Variants in ANKRD33B observed in about 807,000 individuals in gnomAD.
ANKRD33B encodes ankyrin repeat domain 33B.
Under a neutral mutation model 21.5 loss-of-function variants are expected in ANKRD33B, and 6 were observed. That is an observed-to-expected ratio of 0.28 (90% CI 0.15 to 0.55). ANKRD33B has a LOEUF of 0.55. ANKRD33B is among the 20% of genes least tolerant of loss of function. ANKRD33B has a pLI of 0.94. For synonymous variants in ANKRD33B, 347 were observed against 342.4 expected, an observed-to-expected ratio of 1.01 and a Z score of -0.15; for missense variants, 698 against 747.2, an observed-to-expected ratio of 0.93 and a Z score of 0.77.
rs535630830 is a variant in ANKRD33B, at chr5:10,637,062, G to T, written c.497-966G>T. ...TGCCGACTGTGCCAAGGCTGGGACG[G>T]ACCCTGCTCCAGGACACTGAAGTGG... On this transcript the variant is annotated intron_variant, in intron 2 of 3. Coordinates refer to ENST00000296657, the MANE Select transcript of ANKRD33B (RefSeq NM_001164440.2). 2.6e-5 allele frequency among the ~76,000 whole-genome samples: 4 copies of T among 152,334 alleles called. No individual in the cohort carries two copies. In the South Asian group the frequency reaches 8.3e-4, roughly 32 times the overall value.
At chr5:10,622,487 A>T (rs1267779617) in intron 2 of ANKRD33B, among the ~76,000 whole-genome samples, 1 of 152,214 alleles carries the variant, frequency 6.6e-6, no homozygotes, top group Non-Finnish European at 1.5e-5. Context: ...ACGCGGTTAA[A>T]TTTTTTTAAC....
At chr5:10,590,997 G>A (rs1735672929) in intron 1 of ANKRD33B, among the ~76,000 whole-genome samples, 1 of 152,102 alleles carries the variant, frequency 6.6e-6, no homozygotes. Context: ...TCTGATTGAA[G>A]CCAGTTTCTC....
At chr5:10,631,142 C>T (rs1275902360) in intron 2 of ANKRD33B, among the ~76,000 whole-genome samples, 1 of 152,144 alleles carries the variant, frequency 6.6e-6, no homozygotes, top group African/African-American at 2.4e-5. Flanking sequence ...AAAGATCTGC[C>T]TTGGGGAAGA....
intron 1 of ANKRD33B, among the ~76,000 whole-genome samples, chr5:10,616,499 G>T (rs1332968177): frequency 6.7e-6 from 1 of 148,228 alleles, no homozygotes; most frequent in African/African-American, 2.6e-5. Flanking sequence ...AGGAGGTGGA[G>T]GTTGCAATGA....
intron 2 of ANKRD33B, chr5:10,628,118 G>A (rs780876198): frequency 6.6e-6 from 1 of 152,260 alleles, no homozygotes; most frequent in African/African-American, 2.4e-5. Context: ...TGAGTGCCTT[G>A]AGTCAGTCAA....
chr5:10,567,695 C>T (rs563233592), intron 1 of ANKRD33B, among the ~76,000 whole-genome samples: 2 of 152,224 alleles, frequency 1.3e-5, no homozygotes, highest in East Asian at 3.9e-4. Context: ...ATAGGATGGT[C>T]ATTTAGAGAG....
intron 2 of ANKRD33B, chr5:10,624,756 C>CT: frequency 2.2e-6 from 1 of 456,792 alleles, no homozygotes; most frequent in Non-Finnish European, 4.4e-6. Flanking sequence ...GCATAGTTTC[C>CT]TTAGACACTG....
chr5:10,640,924 C>G (rs1259394640), intron 3 of ANKRD33B, among the ~76,000 whole-genome samples: 1 of 152,260 alleles, frequency 6.6e-6, no homozygotes, highest in Non-Finnish European at 1.5e-5. Context: ...CCCTCAAACC[C>G]TCTTTCATAA....
rs745634884 is a variant in ANKRD33B, at chr5:10,649,336, C to G, written c.708C>G (p.Arg236=). 6.5e-7 allele frequency: 1 copy of G among 1,534,818 alleles called. No homozygotes were observed. The highest frequency in any genetic ancestry group is 2.4e-5 in the East Asian group (1 of 40,904). Residue 236 remains arginine (R), a synonymous_variant, in exon 4 of 4, where the codon CGC becomes CGG. Transcript: ENST00000296657. ...SPQEWATYTG[R]VDAVRLMQRL... Reference sequence around the variant, plus strand: ...AGGAGTGGGCCACTTACACGGGCCGCGTGGATGCCGTCCGTCTCATGCAGA... The same window carrying G: ...AGGAGTGGGCCACTTACACGGGCCGGGTGGATGCCGTCCGTCTCATGCAGA...
intron 1 of ANKRD33B, among the ~76,000 whole-genome samples, chr5:10,606,602 C>T (rs1035998778): frequency 4.6e-5 from 7 of 152,004 alleles, no homozygotes; most frequent in Admixed American, 3.9e-4. Flanking sequence ...GGCGTGTTGG[C>T]GAGTGCCTGT....
In ANKRD33B at chr5:10,649,741, C is replaced by G; in HGVS notation, c.1113C>G (p.Thr371=). 1.4e-6 allele frequency: 2 copies of G among 1,465,294 alleles called. No homozygotes were observed. The highest frequency in any genetic ancestry group is 1.8e-6 in the Non-Finnish European group (2 of 1,112,922). The allele number at this position is 1,465,294 out of a possible 1,614,324, so 90.8% of individuals were successfully genotyped here. A position where few individuals can be genotyped will look rare whatever the true frequency, so the allele number is the denominator to read the frequency against. ...EVGGAGQRGR[T]GQEDADSREG... is the part of the protein sequence containing the mutation. ...GGGGCGCGGGGCAGCGCGGGCGGACCGGACAGGAGGACGCGGACTCCCGGG... is the reference window on the plus strand; with the variant it reads ...GGGGCGCGGGGCAGCGCGGGCGGACGGGACAGGAGGACGCGGACTCCCGGG... Residue 371 remains threonine, a synonymous_variant, in exon 4 of 4, where the codon ACC becomes ACG. Coordinates refer to ENST00000296657, the MANE Select transcript of ANKRD33B (RefSeq NM_001164440.2).
rs779765073 is a variant in ANKRD33B at position 10,631,417 on chromosome 5, AGAG to A, written c.497-6607_497-6605del. On this transcript the variant is annotated intron_variant, in intron 2 of 3. Transcript: ENST00000296657. ...GAGCAGGGATAAGCCTCCTTCAGCAAGAGGAGAATCCCCTGCGTTTTCAATAGG... is the reference window on the plus strand; with the variant it reads ...GAGCAGGGATAAGCCTCCTTCAGCAAGAGAATCCCCTGCGTTTTCAATAGG... 3.2e-4 allele frequency among the ~76,000 whole-genome samples: 48 copies of A among 152,354 alleles called. No individual in the cohort carries two copies. The Middle Eastern group carries it at 0.01, about 32-fold the overall frequency.
intron 1 of ANKRD33B, among the ~76,000 whole-genome samples, chr5:10,574,788 C>T (rs1391356474): frequency 6.6e-6 from 1 of 151,794 alleles, no homozygotes; most frequent in African/African-American, 2.4e-5. Flanking sequence ...TCCTATTAAA[C>T]TTTAAAACTG....
intron 1 of ANKRD33B, among the ~76,000 whole-genome samples, chr5:10,586,485 CTGTGTG>C (rs55940283): frequency 0.34 from 47,415 of 140,130 alleles, 7,894 homozygotes; most frequent in East Asian, 0.5. Flanking sequence ...GTTCTTGTAA[CTGTGTG>C]TGTGTGTGTG....
chr5:10,636,103 G>A lies in ANKRD33B; in HGVS notation c.497-1925G>A, dbSNP rs1440851097. 5.3e-5 allele frequency among the ~76,000 whole-genome samples: 8 copies of A among 152,370 alleles called. No individual in the cohort carries two copies. In the East Asian group the frequency reaches 1.5e-3, roughly 29 times the overall value. ...AGTGCCACCCATTGGAAGTTTCTGT[G>A]CAAACCAGATGCCTGTGGAGATTCT... On this transcript the variant is annotated intron_variant, in intron 2 of 3. Coordinates refer to ENST00000296657, the MANE Select transcript of ANKRD33B (RefSeq NM_001164440.2).
At chr5:10,611,092 A>G (rs999808509) in intron 1 of ANKRD33B, among the ~76,000 whole-genome samples, 2 of 152,194 alleles carry the variant, frequency 1.3e-5, no homozygotes, top group African/African-American at 4.8e-5. Context: ...GGATACATGC[A>G]TATGTAATAA....
chr5:10,633,468 C>A (rs536695428), intron 2 of ANKRD33B, among the ~76,000 whole-genome samples: 10 of 152,354 alleles, frequency 6.6e-5, no homozygotes, highest in South Asian at 2.1e-4. Context: ...ACCACAAACA[C>A]TGTACAGAGA....
At chr5:10,589,694 A>G (rs1735641613) in intron 1 of ANKRD33B, among the ~76,000 whole-genome samples, 1 of 152,194 alleles carries the variant, frequency 6.6e-6, no homozygotes, top group Non-Finnish European at 1.5e-5. Flanking sequence ...TTTTTTACAT[A>G]TGCTAAAGTT....
chr5:10,581,369 G>A (rs1033241123), intron 1 of ANKRD33B, among the ~76,000 whole-genome samples: 1 of 152,246 alleles, frequency 6.6e-6, no homozygotes, highest in Non-Finnish European at 1.5e-5. Flanking sequence ...GCCTGTTTGA[G>A]GTGCACGGTG....
Sources: gnomAD v4.1 joint callset for allele counts (sites outside exome capture counted in the v4.1 genomes callset) on GRCh38, gnomAD v4.1.1 for gene constraint, MANE v1.5 for transcripts, NCBI Gene and HGNC (gene_info 2026-07-23, HGNC 2026-07-21) for gene names.